TBC1D9: variants seen among roughly 807,000 people sequenced by gnomAD.
TBC1D9 encodes TBC1 domain family member 9.
Under a neutral mutation model 132.0 loss-of-function variants are expected in TBC1D9, and 63 were observed. The observed-to-expected ratio is 0.48, with a 90% CI of 0.39 to 0.59. The LOEUF (loss-of-function observed/expected upper bound fraction) is 0.59, where lower values mean the gene tolerates loss of function less well. TBC1D9 is among the 20% of genes least tolerant of loss of function. The pLI, the probability that TBC1D9 is intolerant of heterozygous loss-of-function variation, is 0.00. For missense variants in TBC1D9, 1,261 were observed against 1,592.7 expected (o/e 0.79, Z 3.54); for synonymous variants, 610 against 609.9 (o/e 1.00, Z 0.00).
At chr4:140,742,243 A>T (rs1169540395) in intron 1 of TBC1D9, among the ~76,000 whole-genome samples, 1 of 152,110 alleles carries the variant, frequency 6.6e-6, no homozygotes, top group Non-Finnish European at 1.5e-5. Context: ...AACACCTTAA[A>T]AAATGACTCG....
At chr4:140,744,487 C>T (rs1738807955) in intron 1 of TBC1D9, among the ~76,000 whole-genome samples, 2 of 152,098 alleles carry the variant, frequency 1.3e-5, no homozygotes, top group Admixed American at 6.6e-5. Context: ...CTTTTCTGAT[C>T]CTAAAGAGAT....
chr4:140,675,560 G>A (rs144704401), intron 6 of TBC1D9, among the ~76,000 whole-genome samples: 15 of 152,264 alleles, frequency 9.9e-5, no homozygotes, highest in African/African-American at 3.6e-4. Flanking sequence ...ACAAGTACCA[G>A]AGTAAGCTAT....
intron 13 of TBC1D9, among the ~76,000 whole-genome samples, chr4:140,655,739 A>G (rs1199516391): frequency 6.6e-6 from 1 of 152,238 alleles, no homozygotes; most frequent in East Asian, 1.9e-4. Flanking sequence ...CAGGGTCATC[A>G]TGGACAAGAA....
intron 3 of TBC1D9, among the ~76,000 whole-genome samples, chr4:140,685,355 C>T (rs992000995): frequency 6.6e-6 from 1 of 152,168 alleles, no homozygotes; most frequent in African/African-American, 2.4e-5. Flanking sequence ...GAAATAATAT[C>T]TTGAGAAGGA....
intron 2 of TBC1D9, among the ~76,000 whole-genome samples, chr4:140,691,848 A>C (rs1737883054): frequency 6.6e-6 from 1 of 152,228 alleles, no homozygotes; most frequent in South Asian, 2.1e-4. Context: ...ATCCTAGTCT[A>C]ATTATTCATC....
Position 140,624,200 on chromosome 4 carries a change from T to C in TBC1D9, c.2994A>G (p.Gln998=), listed in dbSNP as rs1310340591. The change falls in exon 20 of 21, where the codon CAA becomes CAG. Residue 998 remains glutamine, a synonymous_variant. Transcript: ENST00000442267. ...KPDKGKRANS[Q]ENRNYLRLWT... is the part of the protein sequence containing the mutation. ...ACAGTCTCAAATAATTACGATTTTC[T>C]TGGGAATTTGCTCTCTTCCCTACAA... 6.2e-7 allele frequency: 1 copy of C among 1,611,952 alleles called. No homozygotes were observed. Among genetic ancestry groups the C allele is most frequent in the South Asian group, 1.1e-5 (1 of 90,534 alleles).
At chr4:140,709,634 A>G (rs146928919) in intron 1 of TBC1D9, among the ~76,000 whole-genome samples, 1 of 152,244 alleles carries the variant, frequency 6.6e-6, no homozygotes, top group African/African-American at 2.4e-5. Context: ...TAACAGTTTA[A>G]AATTTGGTAC....
chr4:140,625,232 A>G (rs1017704059), intron 18 of TBC1D9, among the ~76,000 whole-genome samples: 18 of 152,208 alleles, frequency 1.2e-4, no homozygotes, highest in Non-Finnish European at 2.1e-4. Context: ...CACTCTTTCA[A>G]GGAAATTAAA....
chr4:140,657,152 T>A lies in TBC1D9; in HGVS notation c.2282A>T (p.Asp761Val), dbSNP rs771994041. ...IPHLHSLLSD[D>V]VEPYPEVDIF... ...GTCTACCTCAGGGTAAGGTTCCACA[T>A]CATCGCTGAGCAAGGAGTGGAGGTG... is the stretch of plus-strand genomic sequence containing the variant. Residue 761 changes from aspartate (D) to valine (V), a missense_variant, in exon 13 of 21, where the codon GAT becomes GTT. Around this residue, in one of 3 missense-constraint regions of TBC1D9, gnomAD observed 618 missense variants for 724.4 expected, o/e 0.85. Transcript: ENST00000442267. 5.6e-6 allele frequency: 9 copies of A among 1,613,934 alleles called. No homozygotes were observed. In the South Asian group the frequency reaches 7.7e-5, roughly 14 times the overall value.
intron 6 of TBC1D9, among the ~76,000 whole-genome samples, chr4:140,671,157 A>C (rs1737530029): frequency 6.6e-6 from 1 of 152,134 alleles, no homozygotes; most frequent in South Asian, 2.1e-4. Flanking sequence ...GGTTTTTCCA[A>C]ATCAGTGGTT....
chr4:140,637,541 C>A (rs1367889519), intron 15 of TBC1D9, among the ~76,000 whole-genome samples: 1 of 152,152 alleles, frequency 6.6e-6, no homozygotes, highest in Non-Finnish European at 1.5e-5. Context: ...TAGCTCCCCC[C>A]AGAATCCTGG....
rs751600394 is a variant in TBC1D9, at chr4:140,627,464, T to A, written c.2876A>T (p.Asp959Val). The A allele has an allele frequency of 6.2e-7, 1 of 1,609,454 alleles. No individual in the cohort carries two copies. The highest frequency in any genetic ancestry group is 8.5e-7 in the Non-Finnish European group (1 of 1,176,896). Reference sequence around the variant, plus strand: ...ACCATGTGTACATTCTGGGGTAATATCTTCAAAGAAGTACTGAGTTGCTTC... The same window carrying A: ...ACCATGTGTACATTCTGGGGTAATAACTTCAAAGAAGTACTGAGTTGCTTC... ...AFEATQYFFE[D>V]ITPECTHVVG... The change falls in exon 18 of 21, where the codon GAT (aspartate) becomes GTT (valine). Residue 959 changes from aspartate (D) to valine (V), a missense_variant. Physicochemically the swap from Asp to Val is radical, Grantham distance 152 (BLOSUM62 -3). Transcript: ENST00000442267.
intron 1 of TBC1D9, among the ~76,000 whole-genome samples, chr4:140,712,775 A>G (rs933186791): frequency 7.9e-5 from 12 of 151,776 alleles, no homozygotes; most frequent in Non-Finnish European, 1.2e-4. Flanking sequence ...ATAGATAGAT[A>G]GATAGATAGA....
At chr4:140,640,824 C>T (rs922239717) in intron 13 of TBC1D9, among the ~76,000 whole-genome samples, 6 of 150,190 alleles carry the variant, frequency 4.0e-5, no homozygotes, top group African/African-American at 1.5e-4. Flanking sequence ...GCAGTATCTA[C>T]TGACTGAACA....
chr4:140,634,180 A>C lies in TBC1D9; in HGVS notation c.2514T>G (p.His838Gln). 6.2e-7 allele frequency: 1 copy of C among 1,612,816 alleles called. No individual in the cohort carries two copies. Among genetic ancestry groups the C allele is most frequent in the Non-Finnish European group, 8.5e-7 (1 of 1,179,798 alleles). Residue 838 changes from histidine (H) to glutamine (Q), a missense_variant, in exon 16 of 21, where the codon CAT becomes CAG. His to Gln is a conservative substitution (Grantham distance 24). Around this residue, in one of 3 missense-constraint regions of TBC1D9, gnomAD observed 618 missense variants for 724.4 expected, o/e 0.85. Coordinates refer to ENST00000442267, the MANE Select transcript of TBC1D9 (RefSeq NM_015130.3). Reference protein sequence around the residue: ...EELYALFKAEHLTSCYWGGSS... With the variant: ...EELYALFKAEQLTSCYWGGSS... ...TCCCGCCCCAGTAGCAGCTGGTGAG[A>C]TGTTCTGCCTGAAAAAGAATGGATG...
rs1029827372 is a variant in TBC1D9 at position 140,654,997 on chromosome 4, C to T, written c.2337+2100G>A. On this transcript the variant is annotated intron_variant, in intron 13 of 20. Coordinates refer to ENST00000442267, the MANE Select transcript of TBC1D9 (RefSeq NM_015130.3). ...ACTAGGTAAATAAATTTTGTTACCT[C>T]ATTAAAGCAGAATACAATTTAGTAA... Among the ~76,000 whole-genome samples, 5 of 151,916 alleles carry T rather than the reference C, an allele frequency of 3.3e-5. No individual in the cohort carries two copies. In the South Asian group the frequency reaches 6.2e-4, roughly 19 times the overall value.
At position 140,679,250 on chromosome 4, in the gene TBC1D9, G is replaced by A. The variant is rs369226165; in HGVS notation, c.590-47C>T. The stretch of plus-strand genomic sequence containing the variant: ...GGGTCAACATCTGATTCCTGAAAAC[G>A]CTTTCAAGATATTGCAGTCTCACAA... On this transcript the variant is annotated intron_variant, in intron 4 of 20. Transcript: ENST00000442267. 2.3e-5 allele frequency: 36 copies of A among 1,577,382 alleles called. No individual in the cohort carries two copies. In the African/African-American group the frequency reaches 3.8e-4, roughly 17 times the overall value.
At chr4:140,633,904 T>C (rs1167349370) in intron 16 of TBC1D9, 44 bp downstream of exon 16, 4 of 1,605,336 alleles carry the variant, frequency 2.5e-6, no homozygotes, top group South Asian at 2.2e-5. Context: ...TAGGCACAAC[T>C]CCAGCATCCC....
chr4:140,672,576 A>G (rs972980870), intron 6 of TBC1D9, among the ~76,000 whole-genome samples: 15 of 152,230 alleles, frequency 9.9e-5, no homozygotes, highest in African/African-American at 3.6e-4. Flanking sequence ...ATCTTGATAA[A>G]GTCAAAGTGA....
Sources: allele counts gnomAD v4.1 joint callset (sites outside exome capture counted in the v4.1 genomes callset), GRCh38; gene constraint gnomAD v4.1.1; regional missense constraint gnomAD v4.1.1; transcripts MANE v1.5; gene names NCBI Gene and HGNC (gene_info 2026-07-23, HGNC 2026-07-21).